The following TTC28 variants were observed in gnomAD, a reference collection of about 807,000 sequenced individuals.
TTC28 encodes tetratricopeptide repeat protein 28.
A neutral mutation model predicts 198.0 loss-of-function variants in TTC28; 61 were observed. The observed-to-expected ratio is 0.31, with a 90% confidence interval of 0.25 to 0.38. TTC28 has a LOEUF of 0.38. Among genes scored for constraint, TTC28 ranks in the 10% least tolerant of loss-of-function variants. The pLI is 1.00. For synonymous variants in TTC28, 1,171 were observed against 1,297.8 expected (o/e 0.90, Z 2.10); for missense variants, 2,678 against 3,164.0 (o/e 0.85, Z 3.69).
At position 27,983,735 on chromosome 22, in the gene TTC28, A is replaced by G; in HGVS notation, c.5932T>C (p.Ser1978Pro). 2 of 1,551,306 alleles carry G rather than the reference A, an allele frequency of 1.3e-6. No homozygotes were observed. Among genetic ancestry groups the G allele is most frequent in the Non-Finnish European group, 1.7e-6 (2 of 1,146,914 alleles). Reference protein sequence around the residue: ...LPLGYQQPPFSPTGADSIASD... With the variant: ...LPLGYQQPPFPPTGADSIASD... ...GCGATGCTGTCCGCACCGGTGGGAG[A>G]GAAGGGGGGTTGCTGGTAACCCAAG... Residue 1978 changes from serine to proline, a missense_variant, in exon 23 of 23, where the codon TCT (serine) becomes CCT (proline). By Grantham distance (74) the Ser-to-Pro change is moderately conservative. Transcript: ENST00000397906.
chr22:28,175,743 T>C (rs1923108247), intron 5 of TTC28, among the ~76,000 whole-genome samples: 1 of 151,394 alleles, frequency 6.6e-6, no homozygotes, highest in African/African-American at 2.4e-5. Context: ...CAAAAAAAAA[T>C]TAAAAAATGG....
At chr22:28,083,520 G>C (rs561487283) in intron 12 of TTC28, among the ~76,000 whole-genome samples, 1 of 152,258 alleles carries the variant, frequency 6.6e-6, no homozygotes, top group South Asian at 2.1e-4. Flanking sequence ...TACTATATGC[G>C]AATTCAGCAG....
At chr22:28,573,744 T>C (rs2050099182) in intron 2 of TTC28, among the ~76,000 whole-genome samples, 1 of 152,088 alleles carries the variant, frequency 6.6e-6, no homozygotes, top group Non-Finnish European at 1.5e-5. Context: ...GTACAGTAAA[T>C]TATTGTTGAC....
intron 2 of TTC28, among the ~76,000 whole-genome samples, chr22:28,394,546 C>G (rs1456075874): frequency 6.6e-6 from 1 of 152,176 alleles, no homozygotes; most frequent in Non-Finnish European, 1.5e-5. Flanking sequence ...TCTGCTAATA[C>G]AAGATTCAAT....
chr22:28,321,915 T>C (rs868570765), intron 2 of TTC28, among the ~76,000 whole-genome samples: 1 of 152,160 alleles, frequency 6.6e-6, no homozygotes, highest in Admixed American at 6.5e-5. Flanking sequence ...CACTGCCACC[T>C]CCACCTCCCG....
At chr22:28,219,340 C>G (rs1253599639) in intron 5 of TTC28, among the ~76,000 whole-genome samples, 2 of 152,094 alleles carry the variant, frequency 1.3e-5, no homozygotes, top group African/African-American at 4.8e-5. Context: ...GAAATCCTCT[C>G]TCTACTAAAA....
intron 2 of TTC28, among the ~76,000 whole-genome samples, chr22:28,504,304 T>C (rs1241195035): frequency 1.3e-5 from 2 of 152,222 alleles, no homozygotes; most frequent in African/African-American, 4.8e-5. Context: ...TAATCACAAG[T>C]AATTTTGAGT....
intron 6 of TTC28, among the ~76,000 whole-genome samples, chr22:28,119,854 G>C (rs1003374479): frequency 4.6e-5 from 7 of 152,182 alleles, no homozygotes; most frequent in Non-Finnish European, 1.0e-4. Flanking sequence ...AATCATCAAA[G>C]CTAATTAATT....
intron 2 of TTC28, among the ~76,000 whole-genome samples, chr22:28,505,744 G>C (rs987125030): frequency 6.6e-6 from 1 of 152,178 alleles, no homozygotes; most frequent in Non-Finnish European, 1.5e-5. Flanking sequence ...CATACCCCTA[G>C]GAACTGGGGC....
Position 27,982,510 on chromosome 22 carries a change from G to A in TTC28, c.7157C>T (p.Thr2386Ile). ...KIFRGAPGTM[T>I]SKRDVLSLLN... ...CAGACTGAGGACATCCCTTTTGGAAGTCATCGTGCCAGGAGCCCCCCGGAA... is the reference window on the plus strand; with the variant it reads ...CAGACTGAGGACATCCCTTTTGGAAATCATCGTGCCAGGAGCCCCCCGGAA... The change falls in exon 23 of 23, where the codon ACT becomes ATT. Residue 2386 changes from threonine to isoleucine, a missense_variant. Thr to Ile is a moderately conservative substitution (Grantham distance 89). Around this residue, in one of 8 missense-constraint regions of TTC28, gnomAD observed 622 missense variants for 656.0 expected, o/e 0.95. Transcript: ENST00000397906. This position sits in a 1 kb window ranked among gnomAD's most constrained non-coding sequence, Gnocchi z 5.2. 1.3e-6 allele frequency: 2 copies of A among 1,551,734 alleles called. No homozygotes were observed. Among genetic ancestry groups the A allele is most frequent in the Non-Finnish European group, 1.7e-6 (2 of 1,147,010 alleles).
rs530835025 is a variant in TTC28 at position 28,549,821 on chromosome 22, C to T, written c.381+79731G>A. ...GGAAGAGATAAGTCACTGTAAAATT[C>T]ATGGTCTTCAATGTTTTTCTTCAAT... On this transcript the variant is annotated intron_variant, in intron 2 of 22. Coordinates refer to ENST00000397906, the MANE Select transcript of TTC28 (RefSeq NM_001145418.2). Among the ~76,000 whole-genome samples, 6 of 152,270 alleles carry T rather than the reference C, an allele frequency of 3.9e-5. No individual in the cohort carries two copies. The South Asian group carries it at 1.2e-3, about 32-fold the overall frequency.
chr22:28,165,019 T>C (rs1205282314), intron 5 of TTC28, among the ~76,000 whole-genome samples: 1 of 152,126 alleles, frequency 6.6e-6, no homozygotes, highest in Non-Finnish European at 1.5e-5. Flanking sequence ...GCATGAGAAC[T>C]ACGTGATGAA....
At chr22:28,326,290 T>C (rs183560075) in intron 2 of TTC28, among the ~76,000 whole-genome samples, 1 of 152,252 alleles carries the variant, frequency 6.6e-6, no homozygotes, top group Admixed American at 6.5e-5. Context: ...CAATTAGTTG[T>C]TGCCAGGGTT....
At chr22:28,098,238 A>G (rs1320843788) in intron 10 of TTC28, among the ~76,000 whole-genome samples, 1 of 152,162 alleles carries the variant, frequency 6.6e-6, no homozygotes, top group Non-Finnish European at 1.5e-5. Context: ...TTAGACAGCA[A>G]CCTTGAAAGA....
intron 2 of TTC28, among the ~76,000 whole-genome samples, chr22:28,464,451 A>G (rs2146285596): frequency 6.6e-6 from 1 of 152,332 alleles, no homozygotes; most frequent in East Asian, 1.9e-4. Flanking sequence ...AAGCATATGC[A>G]TATTTACTGT....
chr22:28,041,809 G>C (rs1249091437), intron 12 of TTC28, among the ~76,000 whole-genome samples: 1 of 151,122 alleles, frequency 6.6e-6, no homozygotes, highest in Non-Finnish European at 1.5e-5. Flanking sequence ...CTACAGAATG[G>C]GAGAAAATCT....
At chr22:28,638,219 C>A (rs920197294) in intron 1 of TTC28, among the ~76,000 whole-genome samples, 1 of 152,058 alleles carries the variant, frequency 6.6e-6, no homozygotes, top group African/African-American at 2.4e-5. Context: ...CAGACATGTA[C>A]AGAACATGCC....
chr22:28,672,258 T>A (rs942543430), intron 1 of TTC28, among the ~76,000 whole-genome samples: 1 of 151,822 alleles, frequency 6.6e-6, no homozygotes, highest in Admixed American at 6.6e-5. Context: ...AAGCTCCGCC[T>A]CCCGGGTTCA....
At chr22:28,037,515 T>C (rs1939414096) in intron 12 of TTC28, among the ~76,000 whole-genome samples, 1 of 152,206 alleles carries the variant, frequency 6.6e-6, no homozygotes, top group Non-Finnish European at 1.5e-5. Context: ...ATGGGATGTA[T>C]CTCAAAATAA....
Sources: allele counts gnomAD v4.1 joint callset (sites outside exome capture counted in the v4.1 genomes callset), GRCh38; gene constraint gnomAD v4.1.1; regional missense constraint gnomAD v4.1.1; non-coding constraint Gnocchi (gnomAD v3.1); transcripts MANE v1.5; gene names NCBI Gene and HGNC (gene_info 2026-07-23, HGNC 2026-07-21).